DYM: variants seen among roughly 807,000 people sequenced by gnomAD.
The protein encoded by DYM is dyggve-Melchior-Clausen syndrome protein.
In DYM, 78 loss-of-function variants were observed where a neutral mutation model predicts 93.1. That is an observed-to-expected ratio of 0.84 (90% CI 0.70 to 1.01). The LOEUF is 1.01. DYM is among the 50% of genes least tolerant of loss of function. The probability of loss-of-function intolerance (pLI) is 0.00; values close to 1 mark genes in which losing one functional copy is unlikely to be tolerated. For synonymous variants in DYM, 321 were observed against 319.7 expected, an observed-to-expected ratio of 1.00 and a Z score of -0.04; for missense variants, 789 against 845.0, an observed-to-expected ratio of 0.93 and a Z score of 0.82.
intron 11 of DYM, among the ~76,000 whole-genome samples, chr18:49,264,422 C>T (rs933048855): frequency 2.6e-5 from 4 of 152,142 alleles, no homozygotes; most frequent in Non-Finnish European, 4.4e-5. Context: ...ACTCCCACTA[C>T]CAGCATATGA....
intron 14 of DYM, chr18:49,206,704 G>A (rs917901213): frequency 2.0e-5 from 3 of 152,338 alleles, no homozygotes; most frequent in African/African-American, 4.8e-5. Context: ...TAACTCCAGA[G>A]CCCATGCCCC....
At chr18:49,386,105 C>G (rs892474049) in intron 3 of DYM, among the ~76,000 whole-genome samples, 10 of 151,980 alleles carry the variant, frequency 6.6e-5, no homozygotes, top group Non-Finnish European at 1.3e-4. Context: ...AGTCACCATG[C>G]CTGGCCAAAA....
At chr18:49,163,573 C>G in intron 15 of DYM, 112 bp downstream of exon 15, 1 of 708,978 alleles carries the variant, frequency 1.4e-6, no homozygotes, top group Non-Finnish European at 2.5e-6. Flanking sequence ...CTTGAACTCC[C>G]GACCAAGTGA....
intron 17 of DYM, among the ~76,000 whole-genome samples, chr18:49,079,177 G>C (rs1338476808): frequency 6.6e-6 from 1 of 152,070 alleles, no homozygotes; most frequent in Non-Finnish European, 1.5e-5. Flanking sequence ...CTGCTGGAAT[G>C]TTCATGCATT....
At chr18:49,330,557 T>C (rs979912301) in intron 8 of DYM, among the ~76,000 whole-genome samples, 7 of 152,184 alleles carry the variant, frequency 4.6e-5, no homozygotes, top group South Asian at 4.1e-4. Context: ...CACAAATCCA[T>C]GTTTACTTTT....
chr18:49,040,831 A>T lies in DYM; in HGVS notation c.*3224T>A, dbSNP rs2070884088. On this transcript the variant is annotated 3_prime_UTR_variant, in exon 18 of 18. Transcript: ENST00000675505. ...CCCAATGCAAAACCCTGGCTCCCGG[A>T]ATCTAAAGGACGAAATGTTGCTTAA... Among the ~76,000 whole-genome samples, 1 of 152,198 alleles carries T rather than the reference A, an allele frequency of 6.6e-6. No homozygotes were observed. The highest frequency in any genetic ancestry group is 1.5e-5 in the Non-Finnish European group (1 of 68,034).
intron 2 of DYM, among the ~76,000 whole-genome samples, chr18:49,419,500 CT>C (rs2148317739): frequency 6.6e-6 from 1 of 152,324 alleles, no homozygotes; most frequent in South Asian, 2.1e-4. Context: ...ATTCCCGTCA[CT>C]ATTTTTTAAG....
Position 49,386,269 on chromosome 18 carries a change from GA to G in DYM, c.193+5323del, listed in dbSNP as rs564772389. Among the ~76,000 whole-genome samples the G allele has an allele frequency of 3.2e-3, 492 of 151,828 alleles. 2 individuals are homozygous for G. Among genetic ancestry groups the G allele is most frequent in the Non-Finnish European group, 5.7e-3 (390 of 67,870 alleles). On this transcript the variant is annotated intron_variant, in intron 3 of 17. Transcript: ENST00000675505. Reference sequence around the variant, plus strand: ...ATAATATGTTCAAAGTGCTGAAAGAGAAAAAAAATGTTAACCAAGAATTCTA... The same window carrying G: ...ATAATATGTTCAAAGTGCTGAAAGAGAAAAAAATGTTAACCAAGAATTCTA...
intron 13 of DYM, among the ~76,000 whole-genome samples, chr18:49,232,106 C>T (rs2093711941): frequency 6.6e-6 from 1 of 152,098 alleles, no homozygotes; most frequent in Non-Finnish European, 1.5e-5. Context: ...CTTTTACCTA[C>T]TGAAATACTA....
chr18:49,275,688 G>A (rs1568152393), intron 10 of DYM, among the ~76,000 whole-genome samples: 1 of 152,020 alleles, frequency 6.6e-6, no homozygotes. Flanking sequence ...ACCAGCCTGG[G>A]CAACATAGCA....
chr18:49,121,381 CAG>C (rs1468718243), intron 15 of DYM, among the ~76,000 whole-genome samples: 11 of 151,938 alleles, frequency 7.2e-5, no homozygotes, highest in African/African-American at 2.7e-4. Flanking sequence ...GAAAACAAGA[CAG>C]AGAATCCAAC....
intron 2 of DYM, among the ~76,000 whole-genome samples, chr18:49,401,902 T>C (rs964101792): frequency 3.3e-5 from 5 of 151,932 alleles, no homozygotes; most frequent in Non-Finnish European, 7.4e-5. Context: ...GATGCGCACC[T>C]GTAATCCCAG....
At chr18:49,375,178 C>T (rs1425221110) in intron 5 of DYM, among the ~76,000 whole-genome samples, 1 of 130,066 alleles carries the variant, frequency 7.7e-6, no homozygotes, top group African/African-American at 3.2e-5. Context: ...AGTTACAAAG[C>T]GGGAAAGGGG....
intron 11 of DYM, among the ~76,000 whole-genome samples, chr18:49,269,769 G>A (rs1248319911): frequency 1.3e-5 from 2 of 151,998 alleles, no homozygotes; most frequent in Non-Finnish European, 2.9e-5. Context: ...GTAAGCTAAG[G>A]GTAATTGATT....
At chr18:49,313,461 AC>A in intron 8 of DYM, among the ~76,000 whole-genome samples, 1 of 106,370 alleles carries the variant, frequency 9.4e-6, no homozygotes, top group African/African-American at 4.1e-5. Context: ...AGACTCTGTC[AC>A]AAAAAAAAAA....
At chr18:49,207,131 G>C (rs2092556631) in intron 14 of DYM, among the ~76,000 whole-genome samples, 1 of 151,526 alleles carries the variant, frequency 6.6e-6, no homozygotes. Flanking sequence ...TCTGTCTCCT[G>C]TCTGCTCCTG....
intron 8 of DYM, among the ~76,000 whole-genome samples, chr18:49,296,889 T>C (rs774982033): frequency 1.3e-5 from 2 of 152,208 alleles, no homozygotes; most frequent in Non-Finnish European, 2.9e-5. Flanking sequence ...TGGATTATAC[T>C]TATGTGTATT....
intron 6 of DYM, among the ~76,000 whole-genome samples, chr18:49,342,425 T>C (rs2064236706): frequency 1.3e-5 from 2 of 152,160 alleles, no homozygotes; most frequent in Non-Finnish European, 2.9e-5. Flanking sequence ...ATAAGTTATG[T>C]TACTCACAGG....
At chr18:49,442,824 G>T (rs2081764624) in intron 1 of DYM, among the ~76,000 whole-genome samples, 1 of 151,206 alleles carries the variant, frequency 6.6e-6, no homozygotes, top group African/African-American at 2.4e-5. Context: ...CAGCCCAAGG[G>T]CTAAACCCTA....
Sources: gnomAD v4.1 joint callset for allele counts (sites outside exome capture counted in the v4.1 genomes callset) on GRCh38, gnomAD v4.1.1 for gene constraint, MANE v1.5 for transcripts, NCBI Gene and HGNC (gene_info 2026-07-23, HGNC 2026-07-21) for gene names.